The following PCDHGB3 variants were observed in gnomAD, a reference collection of about 807,000 sequenced individuals.
PCDHGB3 encodes the protein protocadherin gamma-B3.
In PCDHGB3, 40 loss-of-function variants were observed where a neutral mutation model predicts 59.2. The observed-to-expected ratio is 0.68, with a 90% CI of 0.52 to 0.88. The LOEUF (loss-of-function observed/expected upper bound fraction) is 0.88. Among genes scored for constraint, PCDHGB3 ranks in the 40% least tolerant of loss-of-function variants. PCDHGB3 has a pLI of 0.00. For missense variants in PCDHGB3, 1,309 were observed against 1,187.9 expected, an observed-to-expected ratio of 1.10 and a Z score of -1.50; for synonymous variants, 581 against 503.6, an observed-to-expected ratio of 1.15 and a Z score of -2.06.
intron 1 of PCDHGB3, chr5:141,395,358 G>A: frequency 1.5e-6 from 2 of 1,346,158 alleles, no homozygotes; most frequent in Non-Finnish European, 9.9e-7. Context: ...ACAGAGTTTT[G>A]GGTTTATTTT....
At chr5:141,390,466 G>C (rs753916175) in intron 1 of PCDHGB3, 7 of 711,916 alleles carry the variant, frequency 9.8e-6, no homozygotes, top group Admixed American at 3.0e-5. Context: ...AGGAGCAATT[G>C]TGTGGCCCAA....
chr5:141,476,666 G>T lies in PCDHGB3; in HGVS notation c.2416-18141G>T. 9 of 1,614,246 alleles carry T rather than the reference G, an allele frequency of 5.6e-6. No homozygotes were observed. Among genetic ancestry groups the T allele is most frequent in the Non-Finnish European group, 7.6e-6 (9 of 1,180,044 alleles). ...CCGAAATGAATACTTTGCGCTTCGC[G>T]TGCAGACGCGGGAGGACAGCACCAA... On this transcript the variant is annotated intron_variant, in intron 1 of 3. Transcript: ENST00000576222. This position sits in a 1 kb window ranked among gnomAD's most constrained non-coding sequence, Gnocchi z 7.6.
intron 1 of PCDHGB3, chr5:141,423,007 G>A: frequency 6.2e-7 from 1 of 1,614,242 alleles, no homozygotes; most frequent in Non-Finnish European, 8.5e-7. Flanking sequence ...CAAGGTGGTT[G>A]CGGTGGACAA....
intron 1 of PCDHGB3, chr5:141,423,483 A>G (rs767321755): frequency 1.9e-6 from 3 of 1,613,974 alleles, no homozygotes; most frequent in Middle Eastern, 3.3e-4. Flanking sequence ...CTTTCCTGCA[A>G]ACCTATTCCC....
chr5:141,487,475 C>T lies in PCDHGB3; in HGVS notation c.2416-7332C>T, dbSNP rs781308835. On this transcript the variant is annotated intron_variant, in intron 1 of 3. Coordinates refer to ENST00000576222, the MANE Select transcript of PCDHGB3 (RefSeq NM_018924.5). The surrounding 1 kb of genome is among the most constrained non-coding windows in gnomAD (Gnocchi z 5.0). ...TATCAAGTTTGTTGATGTGGGAGGC[C>T]ACTCTCATGGCTGTACACCCTTGGC... 1.2e-6 allele frequency: 2 copies of T among 1,614,156 alleles called. No homozygotes were observed. Among genetic ancestry groups the T allele is most frequent in the South Asian group, 1.1e-5 (1 of 91,080 alleles).
chr5:141,485,374 T>A lies in PCDHGB3; in HGVS notation c.2416-9433T>A. Reference sequence around the variant, plus strand: ...TGTCAGCTCGCAGGCTGCAGGTCGCTGGAGAGGTGAACCAAAGACACTTCC... The same window carrying A: ...TGTCAGCTCGCAGGCTGCAGGTCGCAGGAGAGGTGAACCAAAGACACTTCC... On this transcript the variant is annotated intron_variant, in intron 1 of 3. Coordinates refer to ENST00000576222, the MANE Select transcript of PCDHGB3 (RefSeq NM_018924.5). The surrounding 1 kb of genome is among the most constrained non-coding windows in gnomAD (Gnocchi z 5.7). The A allele has an allele frequency of 1.2e-6, 2 of 1,614,082 alleles. No homozygotes were observed. Among genetic ancestry groups the A allele is most frequent in the Non-Finnish European group, 1.7e-6 (2 of 1,179,998 alleles).
chr5:141,477,639 G>T lies in PCDHGB3; in HGVS notation c.2416-17168G>T, dbSNP rs2099414883. ...GGAGCTGAAACCGGGCTAGTGGGTCGCTATTTCACAATAAATCGTGACAAT... is the reference window on the plus strand; with the variant it reads ...GGAGCTGAAACCGGGCTAGTGGGTCTCTATTTCACAATAAATCGTGACAAT... On this transcript the variant is annotated intron_variant, in intron 1 of 3. Transcript: ENST00000576222. The surrounding 1 kb of genome is among the most constrained non-coding windows in gnomAD (Gnocchi z 4.9). 3.1e-6 allele frequency: 5 copies of T among 1,614,004 alleles called. No homozygotes were observed. Among genetic ancestry groups the T allele is most frequent in the Non-Finnish European group, 4.2e-6 (5 of 1,180,034 alleles).
intron 3 of PCDHGB3, among the ~76,000 whole-genome samples, chr5:141,509,338 C>T (rs2099876319): frequency 6.6e-6 from 1 of 152,188 alleles, no homozygotes; most frequent in Admixed American, 6.5e-5. Flanking sequence ...CCAGCTGGGC[C>T]TGGGCTGGCC....
intron 1 of PCDHGB3, chr5:141,417,885 G>A (rs761442517): frequency 2.6e-6 from 4 of 1,562,806 alleles, no homozygotes; most frequent in Admixed American, 1.9e-5. Flanking sequence ...GCGCAGAGGC[G>A]CCGGGCCGGC....
intron 2 of PCDHGB3, among the ~76,000 whole-genome samples, chr5:141,500,774 A>G (rs1479931234): frequency 6.6e-6 from 1 of 152,188 alleles, no homozygotes; most frequent in Non-Finnish European, 1.5e-5. Context: ...TCTTATGAAT[A>G]TACATATTAT....
intron 1 of PCDHGB3, among the ~76,000 whole-genome samples, chr5:141,463,809 T>G (rs964935762): frequency 1.3e-5 from 2 of 152,216 alleles, no homozygotes; most frequent in African/African-American, 4.8e-5. Context: ...TAAAAGCTTT[T>G]ATCACACATT....
chr5:141,382,757 C>T, intron 1 of PCDHGB3: 2 of 657,638 alleles, frequency 3.0e-6, no homozygotes, highest in East Asian at 2.7e-5. Flanking sequence ...GCGATAAGCC[C>T]TCTTCCAGGC....
intron 1 of PCDHGB3, among the ~76,000 whole-genome samples, chr5:141,407,652 A>G (rs2094964200): frequency 6.6e-6 from 1 of 152,020 alleles, no homozygotes; most frequent in Non-Finnish European, 1.5e-5. Flanking sequence ...ATAATGGGGG[A>G]GCGCAGTATA....
chr5:141,370,952 G>A lies in PCDHGB3; in HGVS notation c.558G>A (p.Leu186=), dbSNP rs771842532. ...TCTCTTTGATTCAGAAGGAGAACCT[G>A]GATGGCAGTAGGTACCCAGAGCTAG... ...PHFSLIQKEN[L]DGSRYPELVL... The change falls in exon 1 of 4, where the codon CTG becomes CTA. Residue 186 remains leucine, a synonymous_variant. Transcript: ENST00000576222. The A allele has an allele frequency of 6.2e-7, 1 of 1,613,990 alleles. No individual in the cohort carries two copies. The highest frequency in any genetic ancestry group is 2.2e-5 in the East Asian group (1 of 44,878).
At chr5:141,394,744 T>C (rs755757019) in intron 1 of PCDHGB3, 1 of 1,613,408 alleles carries the variant, frequency 6.2e-7, no homozygotes, top group Non-Finnish European at 8.5e-7. Flanking sequence ...AGCCTCGTGG[T>C]GGCCGTCCAG....
chr5:141,425,337 G>A (rs1327677274), intron 1 of PCDHGB3, among the ~76,000 whole-genome samples: 1 of 152,186 alleles, frequency 6.6e-6, no homozygotes. Flanking sequence ...AAAAAGGAAG[G>A]GTTGGCTTTG....
At chr5:141,421,870 G>A in intron 1 of PCDHGB3, 1 of 1,613,758 alleles carries the variant, frequency 6.2e-7, no homozygotes, top group Non-Finnish European at 8.5e-7. Flanking sequence ...CCTCCTCACA[G>A]CTTTAGATGG....
chr5:141,415,284 G>T (rs186109113), intron 1 of PCDHGB3: 1 of 1,614,198 alleles, frequency 6.2e-7, no homozygotes, highest in East Asian at 2.2e-5. Context: ...CGGTGGCCGC[G>T]GTCTCCTGCG....
At chr5:141,419,586 A>T (rs1440548961) in intron 1 of PCDHGB3, 1 of 1,611,696 alleles carries the variant, frequency 6.2e-7, no homozygotes, top group Non-Finnish European at 8.5e-7. Context: ...GCGCTCTTCG[A>T]CACAGTGCCG....
Sources: gnomAD v4.1 joint callset for allele counts (sites outside exome capture counted in the v4.1 genomes callset) on GRCh38, gnomAD v4.1.1 for gene constraint, Gnocchi (gnomAD v3.1) non-coding constraint, MANE v1.5 for transcripts, NCBI Gene and HGNC (gene_info 2026-07-23, HGNC 2026-07-21) for gene names.